COL4A6: variants seen among roughly 807,000 people sequenced by gnomAD.
COL4A6 encodes collagen alpha-6(IV) chain.
In COL4A6, 59 loss-of-function variants were observed where a neutral mutation model predicts 126.7. That is an observed-to-expected ratio of 0.47 (90% CI 0.38 to 0.58). The LOEUF (loss-of-function observed/expected upper bound fraction) is 0.58. Among genes scored for constraint, COL4A6 ranks in the 20% least tolerant of loss-of-function variants. COL4A6 has a pLI of 0.00. For missense variants in COL4A6, 1,285 were observed against 1,337.3 expected (o/e 0.96, Z 0.61); for synonymous variants, 547 against 496.6 (o/e 1.10, Z -1.35).
intron 3 of COL4A6, among the ~76,000 whole-genome samples, chrX:108,277,739 C>A (rs1226691408): frequency 8.9e-6 from 1 of 111,989 alleles, no homozygotes; most frequent in African/African-American, 3.3e-5. Flanking sequence ...GGAAGGCACC[C>A]CCCAGCAGGG....
chrX:108,195,312 C>T (rs2035179099), intron 14 of COL4A6, among the ~76,000 whole-genome samples, 186 bp from the exon 15 acceptor site: 1 of 108,042 alleles, frequency 9.3e-6, no homozygotes, highest in African/African-American at 3.4e-5. Context: ...CACTCTGTCA[C>T]CCAGGCTGGA....
intron 2 of COL4A6, among the ~76,000 whole-genome samples, chrX:108,348,247 C>T (rs185568234): frequency 5.0e-4 from 56 of 111,943 alleles, no homozygotes; most frequent in African/African-American, 1.4e-3. Context: ...ATATAGCTAA[C>T]ATATCATTTC....
At chrX:108,164,222 C>G (rs1426737349) in intron 40 of COL4A6, among the ~76,000 whole-genome samples, 1 of 111,513 alleles carries the variant, frequency 9.0e-6, no homozygotes, top group Non-Finnish European at 1.9e-5. Context: ...GTACAAGCCT[C>G]AGGGCTTGCT....
rs930729869 is a variant in COL4A6, at chrX:108,161,858, A to G, written c.4217-123T>C. 6 of 476,146 alleles carry G rather than the reference A, an allele frequency of 1.3e-5. No individual in the cohort carries two copies. In the African/African-American group the frequency reaches 1.5e-4, roughly 12 times the overall value. 39.2% of individuals were successfully genotyped at this position (476,146 alleles called of 1,213,427 possible). On this transcript the variant is annotated intron_variant, in intron 41 of 44. Transcript: ENST00000334504. The stretch of plus-strand genomic sequence containing the variant: ...TAGGAGACGATGCACTTGGCTGTCG[A>G]CTTGGTGTGCACACTGCACATCAAG...
intron 25 of COL4A6, among the ~76,000 whole-genome samples, chrX:108,179,695 T>C (rs1286516437): frequency 1.8e-5 from 2 of 108,661 alleles, no homozygotes; most frequent in Non-Finnish European, 3.8e-5. Context: ...CTGAGGGTCC[T>C]ACAGTTGTTG....
intron 39 of COL4A6, 87 bp from the exon 40 acceptor site, chrX:108,164,785 A>G: frequency 8.5e-7 from 1 of 1,180,023 alleles, no homozygotes; most frequent in Non-Finnish European, 1.1e-6. Flanking sequence ...GTAGGGAAGA[A>G]CATCAGCCAC....
At chrX:108,301,317 A>G (rs1455996392) in intron 3 of COL4A6, among the ~76,000 whole-genome samples, 1 of 112,411 alleles carries the variant, frequency 8.9e-6, no homozygotes, top group Non-Finnish European at 1.9e-5. Context: ...TGCTTTCCTT[A>G]AGCTTGGAAT....
intron 3 of COL4A6, among the ~76,000 whole-genome samples, chrX:108,243,722 G>T (rs1018252406): frequency 1.3e-4 from 15 of 111,723 alleles, no homozygotes; most frequent in African/African-American, 4.9e-4. Context: ...AATAGTAGTT[G>T]AACTGAATGC....
At chrX:108,335,020 G>T (rs757584166) in intron 2 of COL4A6, among the ~76,000 whole-genome samples, 31 of 112,092 alleles carry the variant, frequency 2.8e-4, no homozygotes, top group African/African-American at 9.4e-4. Context: ...GCGTAATCAG[G>T]ATACTCAAAG....
At chrX:108,249,610 C>T (rs1379119062) in intron 3 of COL4A6, among the ~76,000 whole-genome samples, 1 of 111,772 alleles carries the variant, frequency 8.9e-6, no homozygotes, top group Non-Finnish European at 1.9e-5. Context: ...AATGACAGCA[C>T]TCAGATATCT....
chrX:108,426,164 T>A (rs1237066020), intron 2 of COL4A6, among the ~76,000 whole-genome samples: 4 of 112,052 alleles, frequency 3.6e-5, no homozygotes, highest in Non-Finnish European at 5.6e-5. Flanking sequence ...ATTTTAAATT[T>A]TCTTTGCCAA....
At chrX:108,160,023 G>C in intron 43 of COL4A6, 1 of 420,218 alleles carries the variant, frequency 2.4e-6, no homozygotes, top group Admixed American at 3.8e-5. Flanking sequence ...GACTGAGTCT[G>C]CTTTTAAGAT....
At chrX:108,318,110 C>A (rs1019569269) in intron 2 of COL4A6, among the ~76,000 whole-genome samples, 1 of 111,447 alleles carries the variant, frequency 9.0e-6, no homozygotes, top group African/African-American at 3.3e-5. Context: ...TAAACAGAAC[C>A]AAAGACAAAA....
intron 2 of COL4A6, among the ~76,000 whole-genome samples, chrX:108,430,423 G>T (rs2064157213): frequency 8.9e-6 from 1 of 111,924 alleles, no homozygotes; most frequent in South Asian, 3.7e-4. Flanking sequence ...GCCCTTAAAT[G>T]TGCCAAACCA....
chrX:108,232,514 A>G (rs1275711628), intron 3 of COL4A6, among the ~76,000 whole-genome samples: 2 of 111,905 alleles, frequency 1.8e-5, no homozygotes, highest in Non-Finnish European at 3.8e-5. Flanking sequence ...CTTGGGATGA[A>G]TTTAACCTAA....
intron 2 of COL4A6, among the ~76,000 whole-genome samples, chrX:108,402,804 C>T (rs1231462502): frequency 9.0e-6 from 1 of 110,895 alleles, no homozygotes. Context: ...AAAACATGTT[C>T]TAGACGTATG....
At chrX:108,428,441 C>A (rs2064123952) in intron 2 of COL4A6, among the ~76,000 whole-genome samples, 1 of 111,859 alleles carries the variant, frequency 8.9e-6, no homozygotes, top group South Asian at 3.8e-4. Flanking sequence ...TAGCACCTAC[C>A]TGGTGCATGG....
intron 33 of COL4A6, among the ~76,000 whole-genome samples, chrX:108,171,144 C>A (rs1353650299): frequency 8.9e-6 from 1 of 112,192 alleles, no homozygotes; most frequent in Non-Finnish European, 1.9e-5. Flanking sequence ...TGGAAATGTT[C>A]AAGAAGGACA....
At chrX:108,271,261 T>G (rs1463035551) in intron 3 of COL4A6, among the ~76,000 whole-genome samples, 1 of 111,398 alleles carries the variant, frequency 9.0e-6, no homozygotes, top group African/African-American at 3.3e-5. Flanking sequence ...AAACTCTTGA[T>G]GGAAAGCAGG....
Sources: gnomAD v4.1 joint callset for allele counts (sites outside exome capture counted in the v4.1 genomes callset) on GRCh38, gnomAD v4.1.1 for gene constraint, MANE v1.5 for transcripts, NCBI Gene and HGNC (gene_info 2026-07-23, HGNC 2026-07-21) for gene names.